WWC2: variants seen among roughly 807,000 people sequenced by gnomAD.
The protein encoded by WWC2 is protein WWC2.
Under a neutral mutation model 138.5 loss-of-function variants are expected in WWC2, and 101 were observed. That is an observed-to-expected ratio of 0.73 (90% CI 0.62 to 0.86). WWC2 has a LOEUF of 0.86. WWC2 is among the 40% of genes least tolerant of loss of function. The probability of loss-of-function intolerance (pLI) is 0.00; values close to 1 mark genes in which losing one functional copy is unlikely to be tolerated. For missense variants in WWC2, 1,420 were observed against 1,419.4 expected (o/e 1.00, Z -0.01); for synonymous variants, 558 against 538.4 (o/e 1.04, Z -0.50).
intron 1 of WWC2, among the ~76,000 whole-genome samples, chr4:183,159,394 A>G (rs957280355): frequency 2.0e-5 from 3 of 152,168 alleles, no homozygotes; most frequent in East Asian, 1.9e-4. Context: ...TCTTCTCTCA[A>G]CAGTTCTTAT....
intron 1 of WWC2, among the ~76,000 whole-genome samples, chr4:183,154,516 C>T (rs978159866): frequency 4.6e-5 from 7 of 152,090 alleles, no homozygotes; most frequent in Admixed American, 1.3e-4. Context: ...TTGTGATTTC[C>T]CCGGTGTTGG....
At chr4:183,202,475 A>G (rs1735329186) in intron 2 of WWC2, among the ~76,000 whole-genome samples, 1 of 152,224 alleles carries the variant, frequency 6.6e-6, no homozygotes, top group Non-Finnish European at 1.5e-5. Flanking sequence ...TGTCATACTA[A>G]GAAACTTTGA....
chr4:183,219,915 A>G (rs1735873724), intron 4 of WWC2, among the ~76,000 whole-genome samples: 1 of 152,158 alleles, frequency 6.6e-6, no homozygotes, highest in African/African-American at 2.4e-5. Flanking sequence ...AAGATAGAGA[A>G]ATTATTCTGG....
chr4:183,238,414 A>G (rs533632231), intron 4 of WWC2, among the ~76,000 whole-genome samples: 1 of 152,330 alleles, frequency 6.6e-6, no homozygotes, highest in South Asian at 2.1e-4. Context: ...GCGTTGTCAC[A>G]GTGACTATTT....
chr4:183,204,443 A>G (rs1350209800), intron 2 of WWC2, among the ~76,000 whole-genome samples: 1 of 152,192 alleles, frequency 6.6e-6, no homozygotes, highest in Non-Finnish European at 1.5e-5. Context: ...ACATCTGGCT[A>G]GGTGGATATG....
intron 21 of WWC2, among the ~76,000 whole-genome samples, chr4:183,305,375 T>C (rs143180344): frequency 6.6e-6 from 1 of 152,232 alleles, no homozygotes; most frequent in African/African-American, 2.4e-5. Flanking sequence ...TCCAAATTAA[T>C]GTCAAACATT....
chr4:183,289,665 G>C (rs927120566), intron 21 of WWC2, 30 bp downstream of exon 21: 3 of 1,607,306 alleles, frequency 1.9e-6, no homozygotes, highest in Admixed American at 1.7e-5. Context: ...TCATCTCGGA[G>C]GGGCTTACAT....
intron 1 of WWC2, among the ~76,000 whole-genome samples, chr4:183,117,522 C>T (rs1278782962): frequency 4.6e-5 from 7 of 151,268 alleles, no homozygotes; most frequent in Non-Finnish European, 7.4e-5. Flanking sequence ...TGCCCGGCCA[C>T]GTTCTTTTCT....
At chr4:183,307,582 T>C (rs1423802623) in intron 21 of WWC2, among the ~76,000 whole-genome samples, 1 of 152,194 alleles carries the variant, frequency 6.6e-6, no homozygotes, top group Non-Finnish European at 1.5e-5. Flanking sequence ...AGAAAAAGAA[T>C]TATATACCAT....
chr4:183,144,845 C>T (rs1733405078), intron 1 of WWC2, among the ~76,000 whole-genome samples: 1 of 152,220 alleles, frequency 6.6e-6, no homozygotes, highest in African/African-American at 2.4e-5. Flanking sequence ...AACATTATTA[C>T]TTTTAACTAT....
At chr4:183,174,503 C>T (rs979222602) in intron 1 of WWC2, among the ~76,000 whole-genome samples, 4 of 152,294 alleles carry the variant, frequency 2.6e-5, no homozygotes, top group South Asian at 2.1e-4. Flanking sequence ...TGTTCTCATC[C>T]GCTGACCTTC....
intron 11 of WWC2, among the ~76,000 whole-genome samples, chr4:183,263,464 A>AG (rs751311532): frequency 5.9e-5 from 9 of 152,254 alleles, no homozygotes; most frequent in South Asian, 2.1e-4. Context: ...GTATCTCTGA[A>AG]CCTTTGTGAA....
rs540955850 is a variant in WWC2, at chr4:183,261,220, A to G, written c.1597A>G (p.Thr533Ala). 2 of 1,612,638 alleles carry G rather than the reference A, an allele frequency of 1.2e-6. No individual in the cohort carries two copies. The highest frequency in any genetic ancestry group is 2.2e-5 in the East Asian group (1 of 44,814). Residue 533 changes from threonine (T) to alanine (A), a missense_variant, in exon 11 of 23, where the codon ACT (threonine) becomes GCT (alanine). Transcript: ENST00000403733. Reference sequence around the variant, plus strand: ...AGTGGCAGCTGCAGCAACAGGCCACACTCCTCCACTGGCTGAGGCCCCGAA... The same window carrying G: ...AGTGGCAGCTGCAGCAACAGGCCACGCTCCTCCACTGGCTGAGGCCCCGAA... ...CGVAAAATGH[T>A]PPLAEAPKSV...
intron 4 of WWC2, among the ~76,000 whole-genome samples, chr4:183,236,094 C>T (rs1023502950): frequency 6.6e-6 from 1 of 152,084 alleles, no homozygotes; most frequent in Non-Finnish European, 1.5e-5. Flanking sequence ...TTCCCAGCAC[C>T]ATTTATTGAA....
intron 1 of WWC2, among the ~76,000 whole-genome samples, chr4:183,183,113 G>T (rs2111188342): frequency 6.6e-6 from 1 of 152,316 alleles, no homozygotes; most frequent in East Asian, 1.9e-4. Flanking sequence ...GGTGGGACAA[G>T]ATTCATGCAA....
intron 15 of WWC2, among the ~76,000 whole-genome samples, chr4:183,270,245 A>G (rs1211444223): frequency 6.6e-6 from 1 of 152,222 alleles, no homozygotes; most frequent in Non-Finnish European, 1.5e-5. Flanking sequence ...TTATATTGAT[A>G]GCCTTAAAGA....
intron 1 of WWC2, among the ~76,000 whole-genome samples, chr4:183,139,799 AT>A (rs2111092203): frequency 6.6e-6 from 1 of 151,854 alleles, no homozygotes; most frequent in African/African-American, 2.4e-5. Context: ...AGAGCAGGGA[AT>A]TGGTTTTTGT....
intron 1 of WWC2, among the ~76,000 whole-genome samples, chr4:183,113,530 GCGCACA>G (rs1561420358): frequency 3.4e-5 from 5 of 148,504 alleles, no homozygotes; most frequent in African/African-American, 1.2e-4. Context: ...GCGCGTGCGC[GCGCACA>G]TGCACGTGCA....
At chr4:183,111,507 A>T (rs896879673) in intron 1 of WWC2, among the ~76,000 whole-genome samples, 2 of 151,996 alleles carry the variant, frequency 1.3e-5, no homozygotes, top group African/African-American at 4.8e-5. Flanking sequence ...TTTCTTTGAA[A>T]CTGTGACAGT....
Sources: allele counts gnomAD v4.1 joint callset (sites outside exome capture counted in the v4.1 genomes callset), GRCh38; gene constraint gnomAD v4.1.1; transcripts MANE v1.5; gene names NCBI Gene and HGNC (gene_info 2026-07-23, HGNC 2026-07-21).